ZMYND8: variants seen among roughly 807,000 people sequenced by gnomAD.
ZMYND8 encodes MYND-type zinc finger-containing chromatin reader ZMYND8.
A neutral mutation model predicts 140.8 loss-of-function variants in ZMYND8; 37 were observed. That is an observed-to-expected ratio of 0.26 (90% CI 0.20 to 0.35). The LOEUF is 0.35. Among genes scored for constraint, ZMYND8 ranks in the 10% least tolerant of loss-of-function variants. The pLI is 1.00. For synonymous variants in ZMYND8, 592 were observed against 597.1 expected (o/e 0.99, Z 0.12); for missense variants, 1,068 against 1,570.0 (o/e 0.68, Z 5.40).
intron 10 of ZMYND8, among the ~76,000 whole-genome samples, chr20:47,280,241 C>A (rs2076524157): frequency 6.6e-6 from 1 of 152,144 alleles, no homozygotes; most frequent in African/African-American, 2.4e-5. Flanking sequence ...GAACAACTCC[C>A]TCCAGGGGAT....
At chr20:47,274,431 C>T (rs1020605651) in intron 11 of ZMYND8, among the ~76,000 whole-genome samples, 3 of 152,176 alleles carry the variant, frequency 2.0e-5, no homozygotes, top group Non-Finnish European at 4.4e-5. Flanking sequence ...CACAAAGTCG[C>T]TGCCAAGGTT....
chr20:47,262,227 C>T lies in ZMYND8; in HGVS notation c.1621+61G>A, dbSNP rs746388778. 3.6e-4 allele frequency: 582 copies of T among 1,610,008 alleles called. 1 individual carries two copies. The highest frequency in any genetic ancestry group is 4.7e-4 in the Non-Finnish European group (553 of 1,176,806). Reference sequence around the variant, plus strand: ...CAAGAACCACATACACAAGAGGATACGTCATTTGCAAAAATATCCACAGTT... The same window carrying T: ...CAAGAACCACATACACAAGAGGATATGTCATTTGCAAAAATATCCACAGTT... On this transcript the variant is annotated intron_variant, in intron 12 of 22. Transcript: ENST00000471951.
At chr20:47,305,998 C>T (rs6094659) in intron 3 of ZMYND8, among the ~76,000 whole-genome samples, 4,827 of 152,238 alleles carry the variant, frequency 0.032, 253 homozygotes, top group African/African-American at 0.11. Context: ...TCAAACCTTC[C>T]TAAGGGGTGA....
chr20:47,237,766 G>A (rs1382659382), intron 15 of ZMYND8: 1 of 152,190 alleles, frequency 6.6e-6, no homozygotes, highest in African/African-American at 2.4e-5. Context: ...AGTTTCAGTT[G>A]AAGAACCCAG....
chr20:47,216,344 A>G (rs1321557318), intron 21 of ZMYND8, among the ~76,000 whole-genome samples: 1 of 150,922 alleles, frequency 6.6e-6, no homozygotes, highest in African/African-American at 2.4e-5. Flanking sequence ...AAATACAAAA[A>G]ATTAGTTGGG....
chr20:47,315,983 C>T lies in ZMYND8; in HGVS notation c.86-5779G>A, dbSNP rs114900201. 1.1e-3 allele frequency among the ~76,000 whole-genome samples: 166 copies of T among 152,264 alleles called. 1 individual carries two copies. The highest frequency in any genetic ancestry group is 3.8e-3 in the African/African-American group (156 of 41,554). The stretch of plus-strand genomic sequence containing the variant: ...GCGGAAAGCAGCAGAATTTTCCTCT[C>T]CTTGTGACATTTTGCTGAAATTGTA... On this transcript the variant is annotated intron_variant, in intron 2 of 22. Coordinates refer to ENST00000471951, the MANE Select transcript of ZMYND8 (RefSeq NM_001281775.3).
chr20:47,307,968 AT>A (rs776867799), intron 3 of ZMYND8, among the ~76,000 whole-genome samples: 25 of 151,608 alleles, frequency 1.6e-4, no homozygotes, highest in Non-Finnish European at 3.4e-4. Flanking sequence ...AAATAAAAAA[AT>A]TAACTGGGCA....
Position 47,236,391 on chromosome 20 carries a change from C to T in ZMYND8, c.2791G>A (p.Ala931Thr), listed in dbSNP as rs757483496. 48 of 1,614,056 alleles carry T rather than the reference C, an allele frequency of 3.0e-5. No homozygotes were observed. The highest frequency in any genetic ancestry group is 3.3e-5 in the Admixed American group (2 of 60,002). ...SMSTLVSSVN[A>T]DLPIATASAD... ...GAGGCAGTGGCGATGGGCAGGTCAG[C>T]GTTGACTGAGGACACAAGGGTGCTC... Residue 931 changes from alanine (A) to threonine (T), a missense_variant, in exon 16 of 23, where the codon GCT (alanine) becomes ACT (threonine). Around this residue, in one of 10 missense-constraint regions of ZMYND8, gnomAD observed 383 missense variants for 431.2 expected, o/e 0.89. Coordinates refer to ENST00000471951, the MANE Select transcript of ZMYND8 (RefSeq NM_001281775.3).
At chr20:47,329,003 T>C (rs1486086789) in intron 2 of ZMYND8, among the ~76,000 whole-genome samples, 1 of 152,114 alleles carries the variant, frequency 6.6e-6, no homozygotes, top group Non-Finnish European at 1.5e-5. Flanking sequence ...CCAAGGGGCC[T>C]GGCAAAAAGG....
chr20:47,249,865 C>A (rs1225642402), intron 12 of ZMYND8, among the ~76,000 whole-genome samples: 1 of 150,862 alleles, frequency 6.6e-6, no homozygotes. Context: ...GGACTTGTAT[C>A]CAAGAAAGAT....
chr20:47,215,674 A>G (rs752742764), intron 21 of ZMYND8, among the ~76,000 whole-genome samples: 2 of 152,108 alleles, frequency 1.3e-5, no homozygotes, highest in African/African-American at 2.4e-5. Flanking sequence ...CTCTAGAATA[A>G]CAACCCTTGA....
rs146403770 is a variant in ZMYND8, at chr20:47,263,332, T to C, written c.1481-904A>G. 1.4e-3 allele frequency among the ~76,000 whole-genome samples: 220 copies of C among 152,214 alleles called. 1 individual carries two copies. Among genetic ancestry groups the C allele is most frequent in the African/African-American group, 5.2e-3 (214 of 41,524 alleles). ...CAAGATGAGCAAGAAACATTCTGAG[T>C]TGATCTGGTGCTGGAAAGAAATTTG... On this transcript the variant is annotated intron_variant, in intron 11 of 22. Transcript: ENST00000471951.
At chr20:47,222,977 G>A (rs1182687227) in intron 19 of ZMYND8, among the ~76,000 whole-genome samples, 5 of 152,176 alleles carry the variant, frequency 3.3e-5, no homozygotes, top group Non-Finnish European at 7.3e-5. Flanking sequence ...AAACCACATG[G>A]TGTACAAAGC....
chr20:47,291,730 T>C, intron 6 of ZMYND8, 66 bp downstream of exon 6: 1 of 1,292,756 alleles, frequency 7.7e-7, no homozygotes, highest in Admixed American at 2.2e-5. Flanking sequence ...GCATAGGCAG[T>C]GAGGGAAGAG....
At chr20:47,306,559 T>A (rs185890208) in intron 3 of ZMYND8, among the ~76,000 whole-genome samples, 1 of 151,058 alleles carries the variant, frequency 6.6e-6, no homozygotes, top group Non-Finnish European at 1.5e-5. Flanking sequence ...AATGGAAATA[T>A]ATGGATTATT....
At chr20:47,240,131 G>C (rs2039767286) in intron 14 of ZMYND8, among the ~76,000 whole-genome samples, 1 of 152,154 alleles carries the variant, frequency 6.6e-6, no homozygotes, top group African/African-American at 2.4e-5. Context: ...AGAATTCCTT[G>C]AACCCAGGAG....
chr20:47,231,251 A>G (rs1361012804), intron 16 of ZMYND8, among the ~76,000 whole-genome samples: 1 of 152,136 alleles, frequency 6.6e-6, no homozygotes, highest in Non-Finnish European at 1.5e-5. Context: ...AGAGGAGGGG[A>G]CAAGAGATCA....
chr20:47,284,761 T>C (rs1369113625), intron 8 of ZMYND8, among the ~76,000 whole-genome samples: 1 of 152,152 alleles, frequency 6.6e-6, no homozygotes, highest in Non-Finnish European at 1.5e-5. Flanking sequence ...TACATTCCCC[T>C]AGAATAACAT....
intron 2 of ZMYND8, among the ~76,000 whole-genome samples, chr20:47,325,040 G>T (rs763055294): frequency 6.6e-6 from 1 of 152,154 alleles, no homozygotes; most frequent in African/African-American, 2.4e-5. Flanking sequence ...GAGTAGCTGG[G>T]ACTACAGGCG....
Sources: allele counts gnomAD v4.1 joint callset (sites outside exome capture counted in the v4.1 genomes callset), GRCh38; gene constraint gnomAD v4.1.1; regional missense constraint gnomAD v4.1.1; transcripts MANE v1.5; gene names NCBI Gene and HGNC (gene_info 2026-07-23, HGNC 2026-07-21).